Variants in RBM27 observed in about 807,000 individuals in gnomAD.
RBM27 encodes the protein RNA-binding protein 27.
A neutral mutation model predicts 135.3 loss-of-function variants in RBM27; 22 were observed. That is an observed-to-expected ratio of 0.16 (90% CI 0.12 to 0.23). The LOEUF (loss-of-function observed/expected upper bound fraction) is 0.23. Among genes scored for constraint, RBM27 ranks in the 10% least tolerant of loss-of-function variants. The probability of loss-of-function intolerance (pLI) is 1.00; values close to 1 mark genes in which losing one functional copy is unlikely to be tolerated. For missense variants in RBM27, 1,009 were observed against 1,281.0 expected, an observed-to-expected ratio of 0.79 and a Z score of 3.24; for synonymous variants, 481 against 442.4, an observed-to-expected ratio of 1.09 and a Z score of -1.10.
rs746835816 is a variant in RBM27 at position 146,233,581 on chromosome 5, C to A, written c.982C>A (p.Pro328Thr). ...PPPPGLPPPP[P>T]PGMLMPPMPG... ...TCCTCCTGGGCTTCCTCCTCCACCACCTCCTGGAATGTTAATGCCTCCAAT... is the reference window on the plus strand; with the variant it reads ...TCCTCCTGGGCTTCCTCCTCCACCAACTCCTGGAATGTTAATGCCTCCAAT... Residue 328 changes from proline (P) to threonine (T), a missense_variant, in exon 7 of 21, where the codon CCT becomes ACT. By Grantham distance (38) the Pro-to-Thr change is conservative. Coordinates refer to ENST00000265271, the MANE Select transcript of RBM27 (RefSeq NM_018989.2). 1.9e-6 allele frequency: 3 copies of A among 1,612,696 alleles called. No homozygotes were observed. The African/African-American group carries it at 4.0e-5, about 22-fold the overall frequency.
chr5:146,260,963 G>C, intron 12 of RBM27, 65 bp downstream of exon 12: 1 of 1,463,988 alleles, frequency 6.8e-7, no homozygotes, highest in Non-Finnish European at 9.3e-7. Context: ...ATTTCTATCA[G>C]CTCACCTTGT....
At chr5:146,215,224 A>G (rs1756139610) in intron 1 of RBM27, among the ~76,000 whole-genome samples, 1 of 151,848 alleles carries the variant, frequency 6.6e-6, no homozygotes, top group South Asian at 2.1e-4. Flanking sequence ...TAATTTCTGT[A>G]TTTTTAGTAG....
At position 146,229,764 on chromosome 5, in the gene RBM27, G is replaced by A. The variant is rs564346015; in HGVS notation, c.443G>A (p.Arg148Gln). 4.3e-6 allele frequency: 7 copies of A among 1,612,244 alleles called. No individual in the cohort carries two copies. Among genetic ancestry groups the A allele is most frequent in the Admixed American group, 1.7e-5 (1 of 59,954 alleles). The change falls in exon 5 of 21, where the codon CGG becomes CAG. Residue 148 changes from arginine to glutamine, a missense_variant. Transcript: ENST00000265271. ...GACGGGAAATGGAGAGACTATGACC[G>A]GTACTATGAGCGGAATGAATTGTAC... is the stretch of plus-strand genomic sequence containing the variant. ...REDGKWRDYD[R>Q]YYERNELYRE...
At chr5:146,264,524 CT>C (rs1758534544) in intron 14 of RBM27, among the ~76,000 whole-genome samples, 1 of 151,938 alleles carries the variant, frequency 6.6e-6, no homozygotes, top group Admixed American at 6.6e-5. Context: ...TTAATTTCAT[CT>C]TTAAGAATTT....
intron 1 of RBM27, among the ~76,000 whole-genome samples, chr5:146,214,683 A>C (rs1756116366): frequency 6.6e-6 from 1 of 152,220 alleles, no homozygotes; most frequent in South Asian, 2.1e-4. Flanking sequence ...CCATTCAATT[A>C]GTGTGAATTA....
intron 19 of RBM27, among the ~76,000 whole-genome samples, chr5:146,276,779 G>C (rs1234116665): frequency 6.6e-6 from 1 of 151,554 alleles, no homozygotes; most frequent in Non-Finnish European, 1.5e-5. Flanking sequence ...TGTAGGCCTG[G>C]CTTGGTGGCA....
chr5:146,210,108 T>C (rs971845846), intron 1 of RBM27, among the ~76,000 whole-genome samples: 7 of 152,206 alleles, frequency 4.6e-5, no homozygotes, highest in Non-Finnish European at 8.8e-5. Flanking sequence ...CGTATCCACC[T>C]CTTGGCCATG....
Position 146,217,789 on chromosome 5 carries a change from C to T in RBM27, c.60-1196C>T, listed in dbSNP as rs1260933640. Among the ~76,000 whole-genome samples the T allele has an allele frequency of 2.6e-5, 4 of 152,190 alleles. No homozygotes were observed. The East Asian group carries it at 7.7e-4, about 29-fold the overall frequency. ...GTTTTTTGTTTCTTTGAGACAGGGT[C>T]TCACTCTGTCACCCAGGCTGGAGTG... On this transcript the variant is annotated intron_variant, in intron 1 of 20. Coordinates refer to ENST00000265271, the MANE Select transcript of RBM27 (RefSeq NM_018989.2).
chr5:146,217,612 A>T (rs1372913949), intron 1 of RBM27, among the ~76,000 whole-genome samples: 1 of 150,938 alleles, frequency 6.6e-6, no homozygotes, highest in East Asian at 2.0e-4. Context: ...GTGAGCTGAA[A>T]CCTTTTAACT....
chr5:146,224,519 A>G lies in RBM27; in HGVS notation c.303+992A>G, dbSNP rs949117601. 5.3e-5 allele frequency among the ~76,000 whole-genome samples: 8 copies of G among 152,220 alleles called. No individual in the cohort carries two copies. In the East Asian group the frequency reaches 1.2e-3, roughly 22 times the overall value. ...CAACATGGGAAACCCTGCCTCTACT[A>G]AAAATACAAAATATTAGTTGGGCGT... On this transcript the variant is annotated intron_variant, in intron 3 of 20. Transcript: ENST00000265271.
In RBM27 at chr5:146,217,124, G is replaced by A. The variant is rs1199636472; in HGVS notation, c.60-1861G>A. ...TGGGACTACAGGTGCCAGCCACCTT[G>A]CCTGGCTAATTTTTGTATTTTTAGT... is the stretch of plus-strand genomic sequence containing the variant. On this transcript the variant is annotated intron_variant, in intron 1 of 20. Transcript: ENST00000265271. Among the ~76,000 whole-genome samples the A allele has an allele frequency of 5.9e-5, 9 of 152,158 alleles. 1 individual carries two copies. The East Asian group carries it at 1.7e-3, about 29-fold the overall frequency.
rs376156049 is a variant in RBM27 at position 146,251,756 on chromosome 5, G to A, written c.1325G>A (p.Arg442Gln). The change falls in exon 9 of 21, where the codon CGA becomes CAA. Residue 442 changes from arginine (R) to glutamine (Q), a missense_variant. Coordinates refer to ENST00000265271, the MANE Select transcript of RBM27 (RefSeq NM_018989.2). ...GAACATGGTGCTGCTGCATCTGAGC[G>A]ACTTCAGTTGGGGACACCGCCTCCT... ...SREHGAAASE[R>Q]LQLGTPPPLL... is the part of the protein sequence containing the mutation. The A allele has an allele frequency of 9.3e-6, 15 of 1,613,014 alleles. No individual in the cohort carries two copies. The highest frequency in any genetic ancestry group is 2.7e-5 in the African/African-American group (2 of 74,850).
rs1759611229 is a variant in RBM27 at position 146,286,999 on chromosome 5, G to T, written c.*969G>T. The T allele has an allele frequency of 6.6e-6, 1 of 152,384 alleles. No individual in the cohort carries two copies. Among genetic ancestry groups the T allele is most frequent in the Non-Finnish European group, 1.5e-5 (1 of 68,032 alleles). The allele number at this position is 152,384 out of a possible 1,614,324, so 9.4% of individuals were successfully genotyped here. A position where few individuals can be genotyped will look rare whatever the true frequency, so the allele number is the denominator to read the frequency against. On this transcript the variant is annotated 3_prime_UTR_variant, in exon 21 of 21. Coordinates refer to ENST00000265271, the MANE Select transcript of RBM27 (RefSeq NM_018989.2). ...GAGAATGATGGAAGGATTTTGGGGA[G>T]AAGAGAATCACCAGCTTTATTTTTT... is the stretch of plus-strand genomic sequence containing the variant.
chr5:146,256,396 C>T (rs1390970438), intron 10 of RBM27, among the ~76,000 whole-genome samples: 4 of 148,552 alleles, frequency 2.7e-5, no homozygotes, highest in Non-Finnish European at 5.9e-5. Flanking sequence ...GTCACCTATG[C>T]TGGAATGCAG....
intron 10 of RBM27, among the ~76,000 whole-genome samples, chr5:146,257,962 A>G (rs1758189460): frequency 6.6e-6 from 1 of 152,092 alleles, no homozygotes. Flanking sequence ...GATTACAGGC[A>G]TGCACCACCA....
Position 146,254,551 on chromosome 5 carries a change from T to C in RBM27, c.1445-392T>C, listed in dbSNP as rs1402822531. 2.0e-5 allele frequency among the ~76,000 whole-genome samples: 3 copies of C among 150,874 alleles called. No homozygotes were observed. In the East Asian group the frequency reaches 5.8e-4, roughly 29 times the overall value. On this transcript the variant is annotated intron_variant, in intron 9 of 20. Transcript: ENST00000265271. ...TTCAACCAACTACAGATCAAAAATA[T>C]TCAGGAAAAAAATAAAAATAAAAAA...
intron 1 of RBM27, among the ~76,000 whole-genome samples, chr5:146,216,144 C>T (rs1173406219): frequency 2.0e-5 from 3 of 152,118 alleles, no homozygotes; most frequent in Admixed American, 1.3e-4. Flanking sequence ...GCAAACTCCA[C>T]CTCTTGGGCT....
intron 14 of RBM27, among the ~76,000 whole-genome samples, chr5:146,264,303 C>T (rs1022586316): frequency 2.6e-5 from 4 of 151,942 alleles, no homozygotes; most frequent in African/African-American, 9.7e-5. Context: ...GCTGCCTCAG[C>T]CTCCTGAGTA....
intron 6 of RBM27, among the ~76,000 whole-genome samples, 195 bp from the exon 7 acceptor site, chr5:146,233,255 T>A (rs1348010320): frequency 3.9e-5 from 6 of 152,194 alleles, no homozygotes; most frequent in Non-Finnish European, 8.8e-5. Context: ...AGTATCATAG[T>A]GTAAAAAGTA....
Sources: allele counts gnomAD v4.1 joint callset (sites outside exome capture counted in the v4.1 genomes callset), GRCh38; gene constraint gnomAD v4.1.1; transcripts MANE v1.5; gene names NCBI Gene and HGNC (gene_info 2026-07-23, HGNC 2026-07-21).